The following MAST4 variants were observed in gnomAD, a reference collection of about 807,000 sequenced individuals.
MAST4 encodes microtubule associated serine/threonine kinase family member 4.
In MAST4, 89 loss-of-function variants were observed where a neutral mutation model predicts 162.7. The ratio of observed to expected loss-of-function variants is 0.55; its 90% confidence interval spans 0.46 to 0.65. The LOEUF (loss-of-function observed/expected upper bound fraction) is 0.65, where lower values mean the gene tolerates loss of function less well. Ranked by LOEUF, MAST4 falls within the 30% of genes least tolerant of loss-of-function variation. The probability of loss-of-function intolerance (pLI) is 0.00; values close to 1 mark genes in which losing one functional copy is unlikely to be tolerated. For synonymous variants in MAST4, 1,479 were observed against 1,361.1 expected (o/e 1.09, Z -1.91); for missense variants, 3,153 against 3,374.0 (o/e 0.93, Z 1.62).
intron 1 of MAST4, among the ~76,000 whole-genome samples, chr5:66,623,610 G>A: frequency 6.6e-6 from 1 of 152,154 alleles, no homozygotes; most frequent in Non-Finnish European, 1.5e-5. Context: ...GAACCAAATA[G>A]GCATAAGAGG....
chr5:67,043,708 C>T (rs1561568841), intron 4 of MAST4, among the ~76,000 whole-genome samples: 3 of 152,062 alleles, frequency 2.0e-5, no homozygotes, highest in Non-Finnish European at 4.4e-5. Context: ...GTACAAAAAA[C>T]GGAAGTTAAA....
intron 2 of MAST4, among the ~76,000 whole-genome samples, chr5:66,762,373 T>A (rs1753892496): frequency 6.6e-6 from 1 of 152,206 alleles, no homozygotes; most frequent in Admixed American, 6.5e-5. Context: ...AGCTGAAGAT[T>A]TAATGAAATA....
chr5:66,889,985 G>T (rs894223941), intron 3 of MAST4, among the ~76,000 whole-genome samples: 5 of 152,056 alleles, frequency 3.3e-5, no homozygotes, highest in Non-Finnish European at 5.9e-5. Flanking sequence ...AATAAGGATT[G>T]TTTTAAGCTA....
intron 19 of MAST4, among the ~76,000 whole-genome samples, chr5:67,138,642 C>A (rs890072338): frequency 6.6e-6 from 1 of 152,126 alleles, no homozygotes; most frequent in Non-Finnish European, 1.5e-5. Context: ...CCATGTTGGC[C>A]AGGCTGGTCT....
At chr5:67,067,458 T>G (rs1225911662) in intron 5 of MAST4, among the ~76,000 whole-genome samples, 1 of 152,208 alleles carries the variant, frequency 6.6e-6, no homozygotes, top group Admixed American at 6.5e-5. Flanking sequence ...ACCAGAGGAT[T>G]ATTACAACCA....
chr5:67,164,858 C>G lies in MAST4; in HGVS notation c.5679C>G (p.Asp1893Glu), dbSNP rs1379509380. ...LQNSPAVSLP[D>E]PEFKRDRKGP... ...ATTCACCAGCAGTTTCCCTGCCTGA[C>G]CCAGAGTTCAAGAGGGACAGGAAAG... The change falls in exon 29 of 29, where the codon GAC becomes GAG. Residue 1893 changes from aspartate to glutamate, a missense_variant. Physicochemically the swap from Asp to Glu is conservative, Grantham distance 45. Coordinates refer to ENST00000403625, the MANE Select transcript of MAST4 (RefSeq NM_001164664.2). The surrounding 1 kb of genome is among the most constrained non-coding windows in gnomAD (Gnocchi z 5.3). 6.2e-7 allele frequency: 1 copy of G among 1,614,020 alleles called. No homozygotes were observed. The highest frequency in any genetic ancestry group is 8.5e-7 in the Non-Finnish European group (1 of 1,179,888).
At chr5:66,675,015 T>C (rs1383608677) in intron 1 of MAST4, among the ~76,000 whole-genome samples, 2 of 152,170 alleles carry the variant, frequency 1.3e-5, no homozygotes, top group Admixed American at 1.3e-4. Flanking sequence ...ATTAGAAGGC[T>C]GCCACAGTGC....
At chr5:67,119,751 TA>T (rs895431591) in intron 13 of MAST4, among the ~76,000 whole-genome samples, 7 of 152,174 alleles carry the variant, frequency 4.6e-5, no homozygotes, top group African/African-American at 1.7e-4. Context: ...TAAGGTCTGA[TA>T]TCTTCTGGCA....
At chr5:67,079,216 TATTC>T (rs937738777) in intron 5 of MAST4, among the ~76,000 whole-genome samples, 1 of 151,760 alleles carries the variant, frequency 6.6e-6, no homozygotes, top group Non-Finnish European at 1.5e-5. Context: ...TTAGTATAAA[TATTC>T]ATTCATAAAA....
At chr5:66,782,858 C>T (rs1197113694) in intron 2 of MAST4, among the ~76,000 whole-genome samples, 5 of 152,154 alleles carry the variant, frequency 3.3e-5, no homozygotes, top group Non-Finnish European at 5.9e-5. Flanking sequence ...AAATTGTAGG[C>T]AGCAAATGAT....
intron 4 of MAST4, among the ~76,000 whole-genome samples, chr5:67,017,581 ATTTC>A (rs1167045454): frequency 1.3e-5 from 2 of 149,222 alleles, no homozygotes; most frequent in African/African-American, 2.5e-5. Context: ...GATATAGAGT[ATTTC>A]TTTCTTTCTT....
chr5:66,945,560 A>G (rs1333656900), intron 4 of MAST4, among the ~76,000 whole-genome samples: 1 of 151,990 alleles, frequency 6.6e-6, no homozygotes, highest in Non-Finnish European at 1.5e-5. Context: ...CCCCTCAGAG[A>G]TGAAAGTAAA....
intron 3 of MAST4, among the ~76,000 whole-genome samples, chr5:66,893,221 T>C (rs1762469175): frequency 6.6e-6 from 1 of 152,242 alleles, no homozygotes; most frequent in African/African-American, 2.4e-5. Context: ...ATGTTGTTTT[T>C]TTAAGACAGA....
chr5:67,072,673 AAG>A (rs1289868103), intron 5 of MAST4, among the ~76,000 whole-genome samples: 1 of 152,234 alleles, frequency 6.6e-6, no homozygotes, highest in African/African-American at 2.4e-5. Flanking sequence ...GGTTGTATAC[AAG>A]ATGGATATAT....
chr5:67,146,702 G>A (rs941981712), intron 23 of MAST4, among the ~76,000 whole-genome samples: 9 of 152,030 alleles, frequency 5.9e-5, no homozygotes, highest in African/African-American at 2.2e-4. Context: ...GTTTATTGTG[G>A]GGGAAAATAA....
At chr5:67,023,862 T>A (rs1331754518) in intron 4 of MAST4, among the ~76,000 whole-genome samples, 1 of 152,088 alleles carries the variant, frequency 6.6e-6, no homozygotes, top group Non-Finnish European at 1.5e-5. Flanking sequence ...CTGCTCCATC[T>A]CTTCTTCATT....
intron 5 of MAST4, among the ~76,000 whole-genome samples, chr5:67,060,755 A>G (rs1201564978): frequency 5.3e-5 from 8 of 152,050 alleles, no homozygotes; most frequent in East Asian, 3.9e-4. Context: ...GAGTATCACT[A>G]TTATAACCCA....
intron 4 of MAST4, among the ~76,000 whole-genome samples, chr5:67,050,106 TC>T (rs1448754707): frequency 6.6e-6 from 1 of 152,212 alleles, no homozygotes. Context: ...CCCATAGTCC[TC>T]TTTGTCCCTC....
At position 67,104,537 on chromosome 5, in the gene MAST4, C is replaced by T. The variant is rs761782290; in HGVS notation, c.1318C>T (p.Leu440Phe). The change falls in exon 10 of 29, where the codon CTT becomes TTT. Residue 440 changes from leucine (L) to phenylalanine (F), a missense_variant. This residue lies in a region of MAST4 where 360 missense variants were observed against 450.0 expected (regional missense o/e 0.80). Transcript: ENST00000403625. Reference sequence around the variant, plus strand: ...GGGCCTCATCACCTCACGATACTTCCTTGAATTACAGCACAAATTAGATAA... The same window carrying T: ...GGGCCTCATCACCTCACGATACTTCTTTGAATTACAGCACAAATTAGATAA... ...HQGLITSRYFLELQHKLDKLL... is the reference protein window; with the variant it reads ...HQGLITSRYFFELQHKLDKLL... 47 of 1,613,474 alleles carry T rather than the reference C, an allele frequency of 2.9e-5. No homozygotes were observed. Among genetic ancestry groups the T allele is most frequent in the Non-Finnish European group, 3.9e-5 (46 of 1,179,730 alleles).
Sources: allele counts gnomAD v4.1 joint callset (sites outside exome capture counted in the v4.1 genomes callset), GRCh38; gene constraint gnomAD v4.1.1; regional missense constraint gnomAD v4.1.1; non-coding constraint Gnocchi (gnomAD v3.1); transcripts MANE v1.5; gene names NCBI Gene and HGNC (gene_info 2026-07-23, HGNC 2026-07-21).